Variants in TMEM200A observed in about 807,000 individuals in gnomAD.
TMEM200A encodes the protein transmembrane protein 200A.
In TMEM200A, 12 loss-of-function variants were observed where a neutral mutation model predicts 24.3. That is an observed-to-expected ratio of 0.49 (90% CI 0.32 to 0.80). The LOEUF (loss-of-function observed/expected upper bound fraction) is 0.80, where lower values mean the gene tolerates loss of function less well. Among genes scored for constraint, TMEM200A ranks in the 30% least tolerant of loss-of-function variants. The probability of loss-of-function intolerance (pLI) is 0.04; values close to 1 mark genes in which losing one functional copy is unlikely to be tolerated. For synonymous variants in TMEM200A, 224 were observed against 224.4 expected (o/e 1.00, Z 0.02); for missense variants, 545 against 614.4 (o/e 0.89, Z 1.19).
chr6:130,409,530 G>A (rs530062736), intron 2 of TMEM200A, among the ~76,000 whole-genome samples: 2 of 152,238 alleles, frequency 1.3e-5, no homozygotes, highest in East Asian at 3.9e-4. Flanking sequence ...TCTGCTTAGT[G>A]ATCTATTTCC....
chr6:130,410,287 C>T (rs541797961), intron 2 of TMEM200A, among the ~76,000 whole-genome samples: 1 of 152,278 alleles, frequency 6.6e-6, no homozygotes, highest in Admixed American at 6.5e-5. Flanking sequence ...ATATTAGAAA[C>T]TCTTCAGTAA....
At chr6:130,383,154 AGC>A in intron 1 of TMEM200A, 1 of 695,498 alleles carries the variant, frequency 1.4e-6, no homozygotes, top group Non-Finnish European at 1.8e-6. Context: ...AGTTGTCCGT[AGC>A]ATCGGGCAAG....
intron 2 of TMEM200A, among the ~76,000 whole-genome samples, chr6:130,421,610 C>A (rs58645359): frequency 0.022 from 3,395 of 151,860 alleles, 32 homozygotes; most frequent in Non-Finnish European, 0.027. Context: ...ATTTTTAACT[C>A]TATGTAGTCC....
intron 2 of TMEM200A, among the ~76,000 whole-genome samples, chr6:130,436,662 T>TTTTTTTTTTTC (rs1408022765): frequency 3.9e-5 from 5 of 128,286 alleles, no homozygotes; most frequent in African/African-American, 6.2e-5. Context: ...TTTTTTTTTT[T>TTTTTTTTTTTC]CAGAGAGACA....
chr6:130,432,102 G>C (rs184055778), intron 2 of TMEM200A, among the ~76,000 whole-genome samples: 51 of 149,138 alleles, frequency 3.4e-4, no homozygotes, highest in African/African-American at 9.2e-4. Context: ...ACATTTTGCA[G>C]ATTTTCACAT....
chr6:130,378,345 C>T (rs112574745), intron 1 of TMEM200A, among the ~76,000 whole-genome samples: 1 of 151,432 alleles, frequency 6.6e-6, no homozygotes, highest in Non-Finnish European at 1.5e-5. Flanking sequence ...TCCCAGGTGT[C>T]TGTGTCAGTT....
intron 2 of TMEM200A, among the ~76,000 whole-genome samples, chr6:130,425,406 A>G (rs994336957): frequency 4.6e-5 from 7 of 152,212 alleles, no homozygotes; most frequent in African/African-American, 7.2e-5. Flanking sequence ...GGAAGAATTA[A>G]GAATGCTATT....
At chr6:130,374,264 C>G (rs1488017383) in intron 1 of TMEM200A, among the ~76,000 whole-genome samples, 1 of 152,126 alleles carries the variant, frequency 6.6e-6, no homozygotes, top group Admixed American at 6.5e-5. Context: ...ATGGAGTGTT[C>G]TAACTGCACT....
intron 2 of TMEM200A, among the ~76,000 whole-genome samples, chr6:130,424,957 A>G (rs923126149): frequency 5.9e-5 from 9 of 152,026 alleles, no homozygotes; most frequent in Non-Finnish European, 1.3e-4. Flanking sequence ...TTCTTTGAAA[A>G]CAGCTTGAAG....
rs368915023 is a variant in TMEM200A at position 130,390,777 on chromosome 6, C to G, written c.-17+5541C>G. Among the ~76,000 whole-genome samples the G allele has an allele frequency of 1.1e-4, 16 of 152,306 alleles. 2 individuals are homozygous for G. The highest frequency in any genetic ancestry group is 1.2e-4 in the African/African-American group (5 of 41,562). On this transcript the variant is annotated intron_variant, in intron 2 of 2. Coordinates refer to ENST00000296978, the MANE Select transcript of TMEM200A (RefSeq NM_001258277.2). The stretch of plus-strand genomic sequence containing the variant: ...AAATTGCTCCTTCTAAAGTCAGCTT[C>G]CATGTTGGTGAGGCTGCTTTGAATC...
chr6:130,397,020 T>C (rs1485516365), intron 2 of TMEM200A, among the ~76,000 whole-genome samples: 1 of 152,182 alleles, frequency 6.6e-6, no homozygotes, highest in East Asian at 1.9e-4. Context: ...AATGATTTCC[T>C]AGTTCACATG....
intron 2 of TMEM200A, among the ~76,000 whole-genome samples, chr6:130,431,490 G>T (rs1779873116): frequency 1.3e-5 from 2 of 152,216 alleles, no homozygotes; most frequent in South Asian, 4.1e-4. Flanking sequence ...TGCAGAGAAT[G>T]GGGAGTGTGA....
rs76926882 is a variant in TMEM200A, at chr6:130,407,584, G to A, written c.-17+22348G>A. ...TGTACTTTTACACAGGTGTGTCCAC[G>A]GAGATACTTGATTTGGTCAATATCA... On this transcript the variant is annotated intron_variant, in intron 2 of 2. Coordinates refer to ENST00000296978, the MANE Select transcript of TMEM200A (RefSeq NM_001258277.2). Among the ~76,000 whole-genome samples the A allele has an allele frequency of 4.2e-3, 635 of 152,264 alleles. 7 individuals are homozygous for A. The highest frequency in any genetic ancestry group is 0.014 in the African/African-American group (589 of 41,562).
intron 2 of TMEM200A, among the ~76,000 whole-genome samples, chr6:130,417,076 A>G (rs188304354): frequency 3.1e-4 from 47 of 152,250 alleles, no homozygotes; most frequent in African/African-American, 1.1e-3. Flanking sequence ...TTTTTAATAC[A>G]TATCATATGT....
chr6:130,399,025 T>C (rs1779021229), intron 2 of TMEM200A, among the ~76,000 whole-genome samples: 1 of 151,994 alleles, frequency 6.6e-6, no homozygotes, highest in South Asian at 2.1e-4. Flanking sequence ...TATATTTATT[T>C]TTTTCTCCGA....
At chr6:130,367,234 T>C (rs76407030) in intron 1 of TMEM200A, among the ~76,000 whole-genome samples, 2,389 of 152,322 alleles carry the variant, frequency 0.016, 18 homozygotes, top group East Asian at 0.039. Context: ...AATTGACTAA[T>C]TGGAATCAGC....
intron 2 of TMEM200A, among the ~76,000 whole-genome samples, chr6:130,415,732 G>C (rs117827131): frequency 6.6e-6 from 1 of 152,068 alleles, no homozygotes; most frequent in African/African-American, 2.4e-5. Flanking sequence ...CTGAGGTTGC[G>C]CCCAAACCTA....
chr6:130,430,881 TATTA>T (rs1779859719), intron 2 of TMEM200A, among the ~76,000 whole-genome samples: 1 of 152,248 alleles, frequency 6.6e-6, no homozygotes, highest in African/African-American at 2.4e-5. Flanking sequence ...AACGCTTTAC[TATTA>T]ATTGAGCTAC....
At chr6:130,376,914 T>C (rs1403109138) in intron 1 of TMEM200A, among the ~76,000 whole-genome samples, 1 of 152,204 alleles carries the variant, frequency 6.6e-6, no homozygotes, top group Non-Finnish European at 1.5e-5. Flanking sequence ...CAAACTAACC[T>C]CTATTCAGAA....
Sources: gnomAD v4.1 joint callset for allele counts (sites outside exome capture counted in the v4.1 genomes callset) on GRCh38, gnomAD v4.1.1 for gene constraint, MANE v1.5 for transcripts, NCBI Gene and HGNC (gene_info 2026-07-23, HGNC 2026-07-21) for gene names.